The following PLPPR1 variants were observed in gnomAD, a reference collection of about 807,000 sequenced individuals.
The protein encoded by PLPPR1 is phospholipid phosphatase related 1, also known as phospholipid phosphatase-related protein type 1.
In PLPPR1, 10 loss-of-function variants were observed where a neutral mutation model predicts 33.1. The ratio of observed to expected loss-of-function variants is 0.30; its 90% CI spans 0.19 to 0.51. The LOEUF is 0.51. PLPPR1 is among the 20% of genes least tolerant of loss of function. PLPPR1 has a pLI of 0.97. For missense variants in PLPPR1, 304 were observed against 408.1 expected (o/e 0.74, Z 2.20); for synonymous variants, 151 against 151.0 (o/e 1.00, Z 0.00).
intron 1 of PLPPR1, among the ~76,000 whole-genome samples, chr9:101,038,462 T>C (rs1830037380): frequency 6.6e-6 from 1 of 152,198 alleles, no homozygotes; most frequent in African/African-American, 2.4e-5. Context: ...TGGCAAAAGC[T>C]GTAAATTCTC....
chr9:101,324,229 T>G lies in PLPPR1; in HGVS notation c.*172T>G, dbSNP rs1215561702. The G allele has an allele frequency of 6.6e-6, 3 of 454,614 alleles. No individual in the cohort carries two copies. The highest frequency in any genetic ancestry group is 4.0e-5 in the Admixed American group (1 of 25,046). 28.2% of individuals were successfully genotyped at this position (454,614 alleles called of 1,614,324 possible). ...AAGTGATGTAGCTTGCCCTGATTTT[T>G]TTTTTTTTTTTTTGGTCAGCTTTAA... On this transcript the variant is annotated 3_prime_UTR_variant, in exon 8 of 8. Transcript: ENST00000374874.
intron 2 of PLPPR1, among the ~76,000 whole-genome samples, chr9:101,198,732 A>G (rs894736656): frequency 6.6e-6 from 1 of 152,190 alleles, no homozygotes; most frequent in Non-Finnish European, 1.5e-5. Context: ...AAGTGAAGGC[A>G]TAGGCTCATG....
At chr9:101,128,165 T>C (rs540309789) in intron 1 of PLPPR1, among the ~76,000 whole-genome samples, 1 of 152,274 alleles carries the variant, frequency 6.6e-6, no homozygotes, top group African/African-American at 2.4e-5. Context: ...TCTAGAGATA[T>C]ATTTAAGGAA....
chr9:101,079,168 A>G (rs780563853), intron 1 of PLPPR1, among the ~76,000 whole-genome samples: 2 of 152,168 alleles, frequency 1.3e-5, no homozygotes, highest in Non-Finnish European at 2.9e-5. Flanking sequence ...ATCTTCTTGT[A>G]GAAATCATTC....
At chr9:101,143,568 A>C (rs1363410342) in intron 1 of PLPPR1, among the ~76,000 whole-genome samples, 1 of 152,208 alleles carries the variant, frequency 6.6e-6, no homozygotes, top group African/African-American at 2.4e-5. Context: ...CAAAGAACTT[A>C]AACAAATTTA....
intron 2 of PLPPR1, among the ~76,000 whole-genome samples, chr9:101,212,748 A>C (rs1368535766): frequency 6.6e-6 from 1 of 152,304 alleles, no homozygotes; most frequent in East Asian, 1.9e-4. Flanking sequence ...TATGGTAGAC[A>C]TATCTATATT....
intron 2 of PLPPR1, among the ~76,000 whole-genome samples, chr9:101,221,734 G>A (rs941725409): frequency 2.0e-5 from 3 of 152,110 alleles, no homozygotes; most frequent in African/African-American, 7.2e-5. Flanking sequence ...TGAAATGATG[G>A]CTGTTTCACT....
intron 2 of PLPPR1, among the ~76,000 whole-genome samples, chr9:101,193,157 T>G (rs1267589876): frequency 6.6e-6 from 1 of 152,064 alleles, no homozygotes; most frequent in Non-Finnish European, 1.5e-5. Context: ...ACTAAGAAAA[T>G]GGGTCTGGCA....
chr9:101,093,126 A>C (rs1830768802), intron 1 of PLPPR1, among the ~76,000 whole-genome samples: 1 of 152,228 alleles, frequency 6.6e-6, no homozygotes, highest in Non-Finnish European at 1.5e-5. Context: ...GGAAGGAAGG[A>C]GAGAGGCAAG....
At chr9:101,163,252 T>C (rs938321304) in intron 1 of PLPPR1, among the ~76,000 whole-genome samples, 5 of 152,176 alleles carry the variant, frequency 3.3e-5, no homozygotes, top group Non-Finnish European at 7.3e-5. Context: ...ACGACAAAAA[T>C]AGAGAACTGA....
At chr9:101,177,715 A>G (rs564793375) in intron 1 of PLPPR1, among the ~76,000 whole-genome samples, 1 of 152,172 alleles carries the variant, frequency 6.6e-6, no homozygotes, top group African/African-American at 2.4e-5. Context: ...GGTTGTAAAT[A>G]TTTTCATGTT....
intron 1 of PLPPR1, among the ~76,000 whole-genome samples, chr9:101,131,091 T>C (rs1831308423): frequency 2.0e-5 from 3 of 152,328 alleles, no homozygotes; most frequent in South Asian, 2.1e-4. Flanking sequence ...ACTTCCCTTC[T>C]CATTCTGGAT....
chr9:101,214,967 C>T (rs1224143049), intron 2 of PLPPR1, among the ~76,000 whole-genome samples: 1 of 149,298 alleles, frequency 6.7e-6, no homozygotes, highest in Non-Finnish European at 1.5e-5. Flanking sequence ...ACGTTGTAGT[C>T]AGCTGAGATC....
intron 1 of PLPPR1, among the ~76,000 whole-genome samples, chr9:101,053,267 T>C (rs991361426): frequency 6.6e-6 from 1 of 152,150 alleles, no homozygotes; most frequent in Non-Finnish European, 1.5e-5. Context: ...TTCTTCCCGC[T>C]CACTTCCTTT....
chr9:101,298,563 A>T (rs1828690331), intron 4 of PLPPR1, among the ~76,000 whole-genome samples: 1 of 152,270 alleles, frequency 6.6e-6, no homozygotes, highest in South Asian at 2.1e-4. Flanking sequence ...TTATCAGAAA[A>T]AGACTTTATT....
intron 1 of PLPPR1, among the ~76,000 whole-genome samples, chr9:101,112,249 A>G (rs1831066114): frequency 6.6e-6 from 1 of 152,204 alleles, no homozygotes; most frequent in Non-Finnish European, 1.5e-5. Flanking sequence ...TTGTTTTATG[A>G]AGCACATACA....
intron 6 of PLPPR1, among the ~76,000 whole-genome samples, chr9:101,313,272 T>C (rs940466753): frequency 1.3e-5 from 2 of 152,116 alleles, no homozygotes; most frequent in African/African-American, 4.8e-5. Flanking sequence ...AGACTAATGA[T>C]AAATTGGCAC....
At chr9:101,153,347 A>T (rs1423755225) in intron 1 of PLPPR1, among the ~76,000 whole-genome samples, 6 of 152,212 alleles carry the variant, frequency 3.9e-5, no homozygotes, top group Non-Finnish European at 8.8e-5. Context: ...AAACAGGGAC[A>T]ATTTGACTTC....
At chr9:101,069,408 G>C (rs1830457717) in intron 1 of PLPPR1, among the ~76,000 whole-genome samples, 1 of 152,048 alleles carries the variant, frequency 6.6e-6, no homozygotes, top group African/African-American at 2.4e-5. Context: ...CTGTGTTGCA[G>C]GTCTGTGTCT....
Sources: gnomAD v4.1 joint callset for allele counts (sites outside exome capture counted in the v4.1 genomes callset) on GRCh38, gnomAD v4.1.1 for gene constraint, MANE v1.5 for transcripts, NCBI Gene and HGNC (gene_info 2026-07-23, HGNC 2026-07-21) for gene names.